The following GLT1D1 variants were observed in gnomAD, a reference collection of about 807,000 sequenced individuals.
GLT1D1 encodes the protein glycosyltransferase 1 domain-containing protein 1.
In GLT1D1, 21 loss-of-function variants were observed where a neutral mutation model predicts 28.7. That is an observed-to-expected ratio of 0.73 (90% CI 0.52 to 1.05). The LOEUF (loss-of-function observed/expected upper bound fraction) is 1.05. GLT1D1 is among the 50% of genes least tolerant of loss of function. GLT1D1 has a pLI of 0.00. For synonymous variants in GLT1D1, 147 were observed against 124.8 expected, an observed-to-expected ratio of 1.18 and a Z score of -1.19; for missense variants, 343 against 330.6, an observed-to-expected ratio of 1.04 and a Z score of -0.29.
At chr12:128,945,294 G>T in intron 4 of GLT1D1, 32 bp from the exon 9 acceptor site, 1 of 1,612,668 alleles carries the variant, frequency 6.2e-7, no homozygotes, top group Non-Finnish European at 8.5e-7. Context: ...AGCAGGCGGC[G>T]ACCGCTGACA....
chr12:128,979,028 C>T (rs1020404482), intron 7 of GLT1D1, among the ~76,000 whole-genome samples: 11 of 152,160 alleles, frequency 7.2e-5, no homozygotes, highest in African/African-American at 2.7e-4. Flanking sequence ...GTGCCGACCT[C>T]CTATCTCATC....
chr12:128,973,904 GGGGTGTGTGTA>G (rs1565925559), intron 7 of GLT1D1, among the ~76,000 whole-genome samples: 4 of 126,322 alleles, frequency 3.2e-5, no homozygotes, highest in South Asian at 2.7e-4. Flanking sequence ...GTGTGTGTAG[GGGGTGTGTGTA>G]GGGGGTGTGT....
At chr12:128,926,863 G>A (rs887388469) in intron 4 of GLT1D1, among the ~76,000 whole-genome samples, 1 of 152,142 alleles carries the variant, frequency 6.6e-6, no homozygotes, top group African/African-American at 2.4e-5. Flanking sequence ...ACTAGTCCTA[G>A]TTATCCAGTA....
chr12:128,939,441 G>C (rs1363145822), intron 4 of GLT1D1, among the ~76,000 whole-genome samples: 1 of 151,010 alleles, frequency 6.6e-6, no homozygotes, highest in Non-Finnish European at 1.5e-5. Context: ...ATTAAGCTCA[G>C]CCGGGCACAG....
intron 2 of GLT1D1, among the ~76,000 whole-genome samples, chr12:128,878,451 A>T (rs1244471207): frequency 6.6e-6 from 1 of 152,238 alleles, no homozygotes; most frequent in Non-Finnish European, 1.5e-5. Context: ...CAGACATCAT[A>T]GCATACCAAC....
At chr12:128,863,531 C>A (rs1277609261) in intron 1 of GLT1D1, among the ~76,000 whole-genome samples, 1 of 151,864 alleles carries the variant, frequency 6.6e-6, no homozygotes, top group East Asian at 1.9e-4. Flanking sequence ...TGCCACCGCA[C>A]CCAGCTAATT....
intron 4 of GLT1D1, among the ~76,000 whole-genome samples, chr12:128,908,905 C>T (rs796944139): frequency 1.3e-5 from 2 of 152,026 alleles, no homozygotes; most frequent in Non-Finnish European, 2.9e-5. Context: ...GCCGAGATCG[C>T]GCCCCTGCAC....
chr12:128,945,047 G>A, intron 4 of GLT1D1: 2 of 641,242 alleles, frequency 3.1e-6, no homozygotes, highest in Admixed American at 2.8e-5. Context: ...ACATGTAACA[G>A]GCCAATTTCT....
chr12:128,897,115 T>A (rs1218804306), intron 3 of GLT1D1, among the ~76,000 whole-genome samples: 2 of 152,268 alleles, frequency 1.3e-5, no homozygotes, highest in South Asian at 2.1e-4. Context: ...GATGCAATTC[T>A]TTCCTATTGT....
intron 1 of GLT1D1, among the ~76,000 whole-genome samples, chr12:128,859,320 T>C (rs1047149293): frequency 6.6e-6 from 1 of 152,194 alleles, no homozygotes; most frequent in Non-Finnish European, 1.5e-5. Flanking sequence ...GACCATCTCT[T>C]CCAGAGCTGA....
At chr12:128,939,837 A>ACCCCCCCCCCCCC (rs34870104) in intron 4 of GLT1D1, among the ~76,000 whole-genome samples, 2 of 97,598 alleles carry the variant, frequency 2.0e-5, no homozygotes, top group African/African-American at 4.7e-5. Flanking sequence ...ATTGTTAGAA[A>ACCCCCCCCCCCCC]CCCCCCCCCA....
chr12:128,910,823 A>G (rs1593119736), intron 4 of GLT1D1, among the ~76,000 whole-genome samples: 1 of 152,050 alleles, frequency 6.6e-6, no homozygotes, highest in African/African-American at 2.4e-5. Context: ...TGGGGAGGAG[A>G]GGCAAGACTT....
chr12:128,978,201 A>G (rs1348582142), intron 7 of GLT1D1, among the ~76,000 whole-genome samples: 1 of 152,038 alleles, frequency 6.6e-6, no homozygotes, highest in Admixed American at 6.6e-5. Context: ...CTGTCAGCCA[A>G]TCGGCTTTTC....
intron 2 of GLT1D1, among the ~76,000 whole-genome samples, chr12:128,881,020 C>A (rs1276726459): frequency 6.7e-6 from 1 of 148,784 alleles, no homozygotes; most frequent in East Asian, 2.0e-4. Flanking sequence ...GTCAGGAGAT[C>A]GAGACCATCT....
In GLT1D1 at chr12:128,945,374, G is replaced by T. The variant is rs768494800; in HGVS notation, c.419+5G>T. On this transcript the variant is annotated splice_donor_5th_base_variant and intron_variant, in intron 5 of 7. Transcript: ENST00000281703. ...AGTGAAAGCCAAAGTGAAAAGGTAA[G>T]AGTTGGTGGAGACCAGTCATTTTGC... is the stretch of plus-strand genomic sequence containing the variant. The T allele has an allele frequency of 2.9e-5, 47 of 1,612,284 alleles. No individual in the cohort carries two copies. The highest frequency in any genetic ancestry group is 3.9e-5 in the Non-Finnish European group (46 of 1,178,372).
chr12:128,926,235 T>G (rs1593141279), intron 4 of GLT1D1, 124 bp from the exon 7 acceptor site: 2 of 253,800 alleles, frequency 7.9e-6, no homozygotes, highest in East Asian at 6.3e-5. Flanking sequence ...ATAATAATAA[T>G]AAGAGTAGGA....
intron 6 of GLT1D1, among the ~76,000 whole-genome samples, chr12:128,950,128 C>T (rs1472226247): frequency 6.6e-6 from 1 of 152,098 alleles, no homozygotes; most frequent in African/African-American, 2.4e-5. Context: ...CTTTGAAAAG[C>T]GAAGGGCCTT....
chr12:128,958,217 G>C (rs2135516306), intron 7 of GLT1D1, among the ~76,000 whole-genome samples: 1 of 152,292 alleles, frequency 6.6e-6, no homozygotes, highest in East Asian at 1.9e-4. Flanking sequence ...GACAGTTCTG[G>C]GGATTTGCGG....
intron 2 of GLT1D1, among the ~76,000 whole-genome samples, chr12:128,882,384 C>T: frequency 6.7e-6 from 1 of 149,392 alleles, no homozygotes; most frequent in Non-Finnish European, 1.5e-5. Flanking sequence ...TCAAGCAGTT[C>T]TCCTGTCTCA....
Sources: gnomAD v4.1 joint callset for allele counts (sites outside exome capture counted in the v4.1 genomes callset) on GRCh38, gnomAD v4.1.1 for gene constraint, MANE v1.5 for transcripts, NCBI Gene and HGNC (gene_info 2026-07-23, HGNC 2026-07-21) for gene names.